ZNF292: variants seen among roughly 807,000 people sequenced by gnomAD.
The protein encoded by ZNF292 is zinc finger protein 292, also known as 16 zinc-finger domain protein.
A neutral mutation model predicts 217.9 loss-of-function variants in ZNF292; 26 were observed. The ratio of observed to expected loss-of-function variants is 0.12; its 90% confidence interval spans 0.09 to 0.17. The LOEUF (loss-of-function observed/expected upper bound fraction) is 0.17. Ranked by LOEUF, ZNF292 falls within the 10% of genes least tolerant of loss-of-function variation. The pLI is 1.00. For synonymous variants in ZNF292, 1,257 were observed against 1,124.1 expected (o/e 1.12, Z -2.37); for missense variants, 2,904 against 3,175.2 (o/e 0.91, Z 2.05).
At chr6:87,252,991 C>T (rs1037612375) in intron 7 of ZNF292, among the ~76,000 whole-genome samples, 2 of 152,084 alleles carry the variant, frequency 1.3e-5, no homozygotes, top group South Asian at 2.1e-4. Flanking sequence ...ACTGCAGCCT[C>T]GAATTCCCAA....
intron 4 of ZNF292, among the ~76,000 whole-genome samples, chr6:87,222,555 C>T (rs1773136232): frequency 6.6e-6 from 1 of 151,928 alleles, no homozygotes; most frequent in African/African-American, 2.4e-5. Context: ...TTATTTTTTA[C>T]ATAAAAGTTT....
At chr6:87,212,208 G>A (rs1298463853) in intron 1 of ZNF292, among the ~76,000 whole-genome samples, 4 of 152,168 alleles carry the variant, frequency 2.6e-5, no homozygotes, top group Admixed American at 2.0e-4. Flanking sequence ...ATCTGAAAGG[G>A]TTCCAAGCAC....
At chr6:87,170,074 A>G (rs923138811) in intron 1 of ZNF292, 1 of 117,358 alleles carries the variant, frequency 8.5e-6, no homozygotes, top group South Asian at 3.0e-4. Context: ...AACTTAAAAC[A>G]TTATACATTA....
rs1392874502 is a variant in ZNF292 at position 87,261,438 on chromosome 6, A to G, written c.7809A>G (p.Ala2603=). The G allele has an allele frequency of 6.2e-7, 1 of 1,607,944 alleles. No individual in the cohort carries two copies. The change falls in exon 8 of 8, where the codon GCA becomes GCG. Residue 2603 remains alanine (A), a synonymous_variant. Transcript: ENST00000369577. ...TTCTGAAGTTTCTTGAGGAGTCTGC[A>G]GTGAAGCAGAAGAAAAATACTGACA... ...VSFLKFLEES[A]VKQKKNTDKD... is the part of the protein sequence containing the mutation.
At chr6:87,179,602 C>T (rs1318066857) in intron 1 of ZNF292, among the ~76,000 whole-genome samples, 2 of 152,058 alleles carry the variant, frequency 1.3e-5, no homozygotes, top group African/African-American at 4.8e-5. Flanking sequence ...ATAAGTATGT[C>T]TAATTATAAA....
At chr6:87,201,163 T>C (rs1562136457) in intron 1 of ZNF292, among the ~76,000 whole-genome samples, 1 of 152,186 alleles carries the variant, frequency 6.6e-6, no homozygotes, top group Non-Finnish European at 1.5e-5. Flanking sequence ...ATTATGAATT[T>C]TGTATTATGC....
chr6:87,215,877 A>G (rs1183510714), intron 1 of ZNF292, 26 bp from the exon 2 acceptor site: 7 of 1,541,394 alleles, frequency 4.5e-6, no homozygotes, highest in Non-Finnish European at 6.1e-6. Flanking sequence ...CATTTTGAAT[A>G]CTTTTTATTA....
In ZNF292 at chr6:87,265,548, A is replaced by G. The variant is rs1274546910; in HGVS notation, c.*3747A>G. On this transcript the variant is annotated 3_prime_UTR_variant, in exon 8 of 8. Coordinates refer to ENST00000369577, the MANE Select transcript of ZNF292 (RefSeq NM_015021.3). ...CTTAAATAATTTAATGCATGTTTGC[A>G]TATTAAAGACAAAAGTTCTACTGTA... 6.6e-6 allele frequency among the ~76,000 whole-genome samples: 1 copy of G among 152,216 alleles called. No individual in the cohort carries two copies. The highest frequency in any genetic ancestry group is 1.5e-5 in the Non-Finnish European group (1 of 68,038).
intron 1 of ZNF292, among the ~76,000 whole-genome samples, chr6:87,211,845 C>T (rs1351655481): frequency 1.3e-5 from 2 of 152,130 alleles, no homozygotes; most frequent in African/African-American, 4.8e-5. Context: ...GCCATCTCCC[C>T]CCAACTCATC....
chr6:87,164,403 A>G (rs923669658), intron 1 of ZNF292, among the ~76,000 whole-genome samples: 4 of 152,126 alleles, frequency 2.6e-5, no homozygotes, highest in Non-Finnish European at 4.4e-5. Context: ...ATGTCCCATT[A>G]GCTACTGCCA....
chr6:87,221,746 A>C (rs1200655563), intron 4 of ZNF292, among the ~76,000 whole-genome samples: 1 of 152,132 alleles, frequency 6.6e-6, no homozygotes, highest in Non-Finnish European at 1.5e-5. Flanking sequence ...TAAATCTACA[A>C]TCGTGATTCC....
Position 87,260,355 on chromosome 6 carries a change from G to C in ZNF292, c.6726G>C (p.Gly2242=). ...TTGTTCATCTAGAGGCAGACCACGG[G>C]ATTGGACTAAGGGCAAGTAAAACAG... is the stretch of plus-strand genomic sequence containing the variant. The part of the protein sequence containing the change: ...NYVVHLEADH[G]IGLRASKTEE... The change falls in exon 8 of 8, where the codon GGG becomes GGC. Residue 2242 remains glycine, a synonymous_variant. Coordinates refer to ENST00000369577, the MANE Select transcript of ZNF292 (RefSeq NM_015021.3). 1 of 1,613,428 alleles carries C rather than the reference G, an allele frequency of 6.2e-7. No individual in the cohort carries two copies. Among genetic ancestry groups the C allele is most frequent in the Non-Finnish European group, 8.5e-7 (1 of 1,179,534 alleles).
intron 4 of ZNF292, among the ~76,000 whole-genome samples, chr6:87,227,917 C>T (rs538189200): frequency 1.3e-5 from 2 of 152,244 alleles, no homozygotes; most frequent in South Asian, 2.1e-4. Context: ...GGCATACAAA[C>T]GCTTCTTCAA....
chr6:87,209,201 CTTG>C (rs758103473), intron 1 of ZNF292, among the ~76,000 whole-genome samples: 8 of 147,132 alleles, frequency 5.4e-5, no homozygotes, highest in South Asian at 4.4e-4. Context: ...TTTGTTTGTT[CTTG>C]TTGTTGTTTT....
intron 7 of ZNF292, chr6:87,249,443 T>C (rs1056089087): frequency 1.1e-5 from 3 of 273,706 alleles, no homozygotes; most frequent in Non-Finnish European, 2.3e-5. Flanking sequence ...AGCAGCCTTC[T>C]TGACAGGGAT....
Position 87,258,689 on chromosome 6 carries a change from C to G in ZNF292, c.5060C>G (p.Thr1687Arg). Reference protein sequence around the residue: ...CEPQSLVENLTQKLNNVNNQL... With the variant: ...CEPQSLVENLRQKLNNVNNQL... ...CCTCAGAGTTTGGTGGAAAATCTAA[C>G]ACAGAAATTAAATAATGTTAACAAT... is the stretch of plus-strand genomic sequence containing the variant. The change falls in exon 8 of 8, where the codon ACA becomes AGA. Residue 1687 changes from threonine to arginine, a missense_variant. Transcript: ENST00000369577. 1 of 1,613,376 alleles carries G rather than the reference C, an allele frequency of 6.2e-7. No homozygotes were observed. The highest frequency in any genetic ancestry group is 8.5e-7 in the Non-Finnish European group (1 of 1,179,662).
chr6:87,218,752 GAAAA>G, intron 4 of ZNF292, 21 bp downstream of exon 4: 1 of 1,543,956 alleles, frequency 6.5e-7, no homozygotes, highest in Non-Finnish European at 8.7e-7. Flanking sequence ...GAGAGACAGA[GAAAA>G]AAAAGAATAA....
chr6:87,157,617 A>T (rs1004116011), intron 1 of ZNF292, among the ~76,000 whole-genome samples: 1 of 152,182 alleles, frequency 6.6e-6, no homozygotes, highest in African/African-American at 2.4e-5. Context: ...ATAGAATCTC[A>T]TGCAAGCTGG....
chr6:87,212,737 A>G (rs1772557309), intron 1 of ZNF292, among the ~76,000 whole-genome samples: 1 of 152,208 alleles, frequency 6.6e-6, no homozygotes, highest in South Asian at 2.1e-4. Flanking sequence ...TGTTGGTTCA[A>G]CCAGGAACTA....
Sources: allele counts gnomAD v4.1 joint callset (sites outside exome capture counted in the v4.1 genomes callset), GRCh38; gene constraint gnomAD v4.1.1; transcripts MANE v1.5; gene names NCBI Gene and HGNC (gene_info 2026-07-23, HGNC 2026-07-21).